NOTCH1: variants seen among roughly 807,000 people sequenced by gnomAD.
NOTCH1 encodes the protein notch receptor 1.
A neutral mutation model predicts 254.8 loss-of-function variants in NOTCH1; 37 were observed. The observed-to-expected ratio is 0.15, with a 90% CI of 0.11 to 0.19. The LOEUF is 0.19. Among genes scored for constraint, NOTCH1 ranks in the 10% least tolerant of loss-of-function variants. The pLI is 1.00. For synonymous variants in NOTCH1, 1,731 were observed against 1,618.1 expected (o/e 1.07, Z -1.68); for missense variants, 2,972 against 3,708.6 (o/e 0.80, Z 5.16).
At chr9:136,503,506 C>T (rs1381208924) in intron 26 of NOTCH1, among the ~76,000 whole-genome samples, 176 bp from the exon 27 acceptor site, 1 of 152,186 alleles carries the variant, frequency 6.6e-6, no homozygotes, top group Non-Finnish European at 1.5e-5. Flanking sequence ...GGGACTGGTG[C>T]CAGCCCCCCG....
chr9:136,517,753 G>A lies in NOTCH1; in HGVS notation c.1440C>T (p.Pro480=), dbSNP rs61751555. 1.4e-4 allele frequency: 221 copies of A among 1,612,550 alleles called. No individual in the cohort carries two copies. In the African/African-American group the frequency reaches 2.4e-3, roughly 17 times the overall value. ...QIGEFQCICM[P]GYEGVHCEVN... is the part of the protein sequence containing the mutation. Reference sequence around the variant, plus strand: ...CCGCCCTGGCCCCGGCCGACGCACCGGGCATGCAGATGCACTGGAACTCCC... The same window carrying A: ...CCGCCCTGGCCCCGGCCGACGCACCAGGCATGCAGATGCACTGGAACTCCC... The change falls in exon 8 of 34, where the codon CCC becomes CCT. Residue 480 remains proline (P), a splice_region_variant and synonymous_variant. Transcript: ENST00000651671.
intron 2 of NOTCH1, among the ~76,000 whole-genome samples, chr9:136,529,479 G>A (rs2133387102): frequency 6.6e-6 from 1 of 152,340 alleles, no homozygotes; most frequent in East Asian, 1.9e-4. Context: ...GGGGCTCGGG[G>A]TCCCACCTCG....
intron 2 of NOTCH1, among the ~76,000 whole-genome samples, chr9:136,539,783 C>T (rs925508029): frequency 6.6e-6 from 1 of 152,192 alleles, no homozygotes; most frequent in East Asian, 1.9e-4. Flanking sequence ...CCCCTGGCCA[C>T]GCCCAAGACG....
At chr9:136,529,031 G>A (rs1843517866) in intron 2 of NOTCH1, among the ~76,000 whole-genome samples, 2 of 152,126 alleles carry the variant, frequency 1.3e-5, no homozygotes, top group African/African-American at 4.8e-5. Flanking sequence ...CACTCTGCCT[G>A]CTCCTGTGAT....
At chr9:136,520,374 G>T (rs983939737) in intron 4 of NOTCH1, among the ~76,000 whole-genome samples, 28 of 152,158 alleles carry the variant, frequency 1.8e-4, no homozygotes, top group Middle Eastern at 3.4e-3. Flanking sequence ...CTGCTGGACC[G>T]GAGCAAAAGC....
intron 2 of NOTCH1, among the ~76,000 whole-genome samples, chr9:136,524,328 G>C (rs1447392266): frequency 6.6e-6 from 1 of 152,146 alleles, no homozygotes; most frequent in Non-Finnish European, 1.5e-5. Flanking sequence ...GAAGACAAAT[G>C]ACTGCTAACT....
rs2133353475 is a variant in NOTCH1 at position 136,510,769 on chromosome 9, A to G, written c.2624T>C (p.Leu875Pro). 6.2e-7 allele frequency: 1 copy of G among 1,610,480 alleles called. No individual in the cohort carries two copies. The highest frequency in any genetic ancestry group is 8.5e-7 in the Non-Finnish European group (1 of 1,179,864). ...TCEVDINECVLSPCRHGASCQ... is the reference protein window; with the variant it reads ...TCEVDINECVPSPCRHGASCQ... ...GGATGCGCCGTGCCGGCACGGGCTC[A>G]GAACGCACTCGTTGATGTCGACCTC... Residue 875 changes from leucine (L) to proline (P), a missense_variant, in exon 17 of 34, where the codon CTG becomes CCG. Leu to Pro is a moderately conservative substitution (Grantham distance 98). This residue lies in a region of NOTCH1 where 1,343 missense variants were observed against 1,557.0 expected (regional missense o/e 0.86). Transcript: ENST00000651671.
chr9:136,498,507 T>G (rs1045341342), intron 33 of NOTCH1, among the ~76,000 whole-genome samples: 1 of 152,102 alleles, frequency 6.6e-6, no homozygotes, highest in Admixed American at 6.5e-5. Context: ...GTCACCACAT[T>G]CCCATCCCCA....
chr9:136,527,694 G>A (rs893092159), intron 2 of NOTCH1, among the ~76,000 whole-genome samples: 5 of 152,168 alleles, frequency 3.3e-5, no homozygotes, highest in Non-Finnish European at 7.4e-5. Flanking sequence ...TGCCCCCGTG[G>A]ACTCCCCTTC....
intron 4 of NOTCH1, among the ~76,000 whole-genome samples, chr9:136,520,255 C>T (rs541641120): frequency 2.0e-5 from 3 of 152,326 alleles, no homozygotes; most frequent in Admixed American, 6.5e-5. Context: ...TACTAATTGC[C>T]GCCCTCCCGA....
rs964122069 is a variant in NOTCH1, at chr9:136,508,610, G to C, written c.3172-225C>G. Among the ~76,000 whole-genome samples the C allele has an allele frequency of 3.3e-5, 5 of 152,220 alleles. 1 individual carries two copies. The highest frequency in any genetic ancestry group is 7.3e-5 in the Non-Finnish European group (5 of 68,044). On this transcript the variant is annotated intron_variant, in intron 19 of 33. Coordinates refer to ENST00000651671, the MANE Select transcript of NOTCH1 (RefSeq NM_017617.5). Reference sequence around the variant, plus strand: ...TCCAGACCACCCTCGGCCTTTGCTAGAAGGAACACTTTTCCTCAATTCCCC... The same window carrying C: ...TCCAGACCACCCTCGGCCTTTGCTACAAGGAACACTTTTCCTCAATTCCCC...
rs765374882 is a variant in NOTCH1, at chr9:136,499,134, G to A, written c.6060C>T (p.Asp2020=). 20 of 1,613,222 alleles carry A rather than the reference G, an allele frequency of 1.2e-5. No individual in the cohort carries two copies. Among genetic ancestry groups the A allele is most frequent in the South Asian group, 4.4e-5 (4 of 91,090 alleles). The change falls in exon 32 of 34, where the codon GAC becomes GAT. Residue 2020 remains aspartate, a synonymous_variant. Coordinates refer to ENST00000651671, the MANE Select transcript of NOTCH1 (RefSeq NM_017617.5). ...MLEDLINSHA[D]VNAVDDLGKS... is the part of the protein sequence containing the mutation. ...CACCCAGGTCATCTACGGCGTTGAC[G>A]TCGGCGTGTGAGTTGATGAGGTCCT...
In NOTCH1 at chr9:136,507,947, A is replaced by AC. The variant is rs1283101101; in HGVS notation, c.3510+7dup. On this transcript the variant is annotated splice_region_variant and intron_variant, in intron 21 of 33. Coordinates refer to ENST00000651671, the MANE Select transcript of NOTCH1 (RefSeq NM_017617.5). ...GGCCACAACCCTTACCCTAGGAGGGACCCCCACCTTGCAGGAGTAGCCGCC... is the reference window on the plus strand; with the variant it reads ...GGCCACAACCCTTACCCTAGGAGGGACCCCCCACCTTGCAGGAGTAGCCGCC... The AC allele has an allele frequency of 6.2e-7, 1 of 1,612,010 alleles. No individual in the cohort carries two copies. The highest frequency in any genetic ancestry group is 1.1e-5 in the South Asian group (1 of 91,058).
At position 136,511,271 on chromosome 9, in the gene NOTCH1, C is replaced by T. The variant is rs2133355053; in HGVS notation, c.2468G>A (p.Gly823Asp). 6.2e-7 allele frequency: 1 copy of T among 1,610,842 alleles called. No homozygotes were observed. Among genetic ancestry groups the T allele is most frequent in the Non-Finnish European group, 8.5e-7 (1 of 1,179,622 alleles). The stretch of plus-strand genomic sequence containing the variant: ...GGCCAGCACCACCTCACACGTGGCA[C>T]CTGCGGGAAGGAGACACACGTGACC... ...YKCNCLLPYT[G>D]ATCEVVLAPC... The change falls in exon 16 of 34, where the codon GGT (glycine) becomes GAT (aspartate). Residue 823 changes from glycine (G) to aspartate (D), a missense_variant and splice_region_variant. Around this residue, in one of 8 missense-constraint regions of NOTCH1, gnomAD observed 1,343 missense variants for 1,557.0 expected, o/e 0.86. Coordinates refer to ENST00000651671, the MANE Select transcript of NOTCH1 (RefSeq NM_017617.5).
At chr9:136,508,751 G>T in intron 19 of NOTCH1, 119 bp downstream of exon 19, 3 of 1,022,380 alleles carry the variant, frequency 2.9e-6, no homozygotes, top group East Asian at 5.3e-5. Flanking sequence ...CTCTGCCCGG[G>T]GGTGTGGGGG....
intron 33 of NOTCH1, among the ~76,000 whole-genome samples, chr9:136,498,259 C>A (rs371447833): frequency 6.7e-5 from 5 of 74,368 alleles, no homozygotes; most frequent in African/African-American, 2.2e-4. Flanking sequence ...GGGGTTCTGG[C>A]GGCAGGGAGG....
intron 2 of NOTCH1, among the ~76,000 whole-genome samples, chr9:136,532,531 TGGATGACACA>T (rs1843578196): frequency 6.6e-6 from 1 of 151,886 alleles, no homozygotes; most frequent in Non-Finnish European, 1.5e-5. Context: ...GGCTCCAGGG[TGGATGACACA>T]GATGACACAT....
chr9:136,507,313 C>T lies in NOTCH1; in HGVS notation c.3635G>A (p.Gly1212Asp), dbSNP rs1266104990. Residue 1212 changes from glycine (G) to aspartate (D), a missense_variant, in exon 22 of 34, where the codon GGC (glycine) becomes GAC (aspartate). Transcript: ENST00000651671. ...PNTYKCSCPR[G>D]TQGVHCEINV... ...CGTGCAGCGGCCCTTACCCTGAGTG[C>T]CCCGTGGGCAGGAGCACTTGTAGGT... is the stretch of plus-strand genomic sequence containing the variant. The T allele has an allele frequency of 1.9e-6, 3 of 1,612,782 alleles. No individual in the cohort carries two copies. The highest frequency in any genetic ancestry group is 2.5e-6 in the Non-Finnish European group (3 of 1,179,930).
At chr9:136,501,056 C>T (rs748336481) in intron 30 of NOTCH1, among the ~76,000 whole-genome samples, 12 of 152,190 alleles carry the variant, frequency 7.9e-5, no homozygotes, top group Admixed American at 2.6e-4. Flanking sequence ...AAACTCCTGG[C>T]GGGCAACTGC....
Sources: gnomAD v4.1 joint callset for allele counts (sites outside exome capture counted in the v4.1 genomes callset) on GRCh38, gnomAD v4.1.1 for gene constraint, gnomAD v4.1.1 regional missense constraint, MANE v1.5 for transcripts, NCBI Gene and HGNC (gene_info 2026-07-23, HGNC 2026-07-21) for gene names.